CCDC63: variants seen among roughly 807,000 people sequenced by gnomAD.
CCDC63 encodes the protein coiled-coil domain containing 63.
Under a neutral mutation model 63.6 loss-of-function variants are expected in CCDC63, and 54 were observed. The ratio of observed to expected loss-of-function variants is 0.85; its 90% CI spans 0.68 to 1.07. The LOEUF is 1.07. Ranked by LOEUF, CCDC63 falls within the 50% of genes least tolerant of loss-of-function variation. The pLI is 0.00. For synonymous variants in CCDC63, 253 were observed against 266.1 expected (o/e 0.95, Z 0.48); for missense variants, 637 against 689.6 (o/e 0.92, Z 0.86).
At chr12:110,883,604 A>ATTTT (rs971151054) in intron 7 of CCDC63, among the ~76,000 whole-genome samples, 27 of 132,690 alleles carry the variant, frequency 2.0e-4, no homozygotes, top group Admixed American at 2.3e-4. Context: ...CTATATATAT[A>ATTTT]TTTTTTTGTT....
At chr12:110,904,819 A>G in intron 11 of CCDC63, 28 bp downstream of exon 11, 2 of 1,556,908 alleles carry the variant, frequency 1.3e-6, no homozygotes, top group Non-Finnish European at 1.7e-6. Context: ...CAATCTGCAC[A>G]GGTTGCTAGG....
chr12:110,865,504 A>T (rs1187707943), intron 4 of CCDC63, among the ~76,000 whole-genome samples: 1 of 151,654 alleles, frequency 6.6e-6, no homozygotes, highest in African/African-American at 2.4e-5. Flanking sequence ...AAGAAGAGAC[A>T]AAGAAAAAAG....
chr12:110,890,773 C>CTTTTTTTTTTTTTTT (rs769120162), intron 8 of CCDC63, among the ~76,000 whole-genome samples: 1 of 98,400 alleles, frequency 1.0e-5, no homozygotes. Flanking sequence ...TCCTCCTTTT[C>CTTTTTTTTTTTTTTT]TTTTTTTTTT....
intron 9 of CCDC63, among the ~76,000 whole-genome samples, chr12:110,893,695 G>A (rs1417918631): frequency 1.3e-5 from 2 of 152,180 alleles, no homozygotes; most frequent in Non-Finnish European, 2.9e-5. Context: ...CCAACATCAA[G>A]GAGCTGGGAT....
At position 110,899,135 on chromosome 12, in the gene CCDC63, G is replaced by A. The variant is rs2071453081; in HGVS notation, c.1342+10G>A. On this transcript the variant is annotated intron_variant, in intron 10 of 11. Coordinates refer to ENST00000308208, the MANE Select transcript of CCDC63 (RefSeq NM_152591.3). ...CTTCCGCAGTATTTTGGTGAGTCAA[G>A]CTGGGGCCCGTTGGAGTCTTAGGAA... 1.2e-6 allele frequency: 2 copies of A among 1,604,660 alleles called. No homozygotes were observed. The highest frequency in any genetic ancestry group is 2.7e-5 in the African/African-American group (2 of 74,584).
At chr12:110,859,926 G>A (rs1593644793) in intron 4 of CCDC63, among the ~76,000 whole-genome samples, 2 of 150,940 alleles carry the variant, frequency 1.3e-5, no homozygotes, top group South Asian at 4.2e-4. Flanking sequence ...CCCCACTCCC[G>A]CTTGTCCTTC....
chr12:110,872,051 G>A (rs2136681074), intron 4 of CCDC63, among the ~76,000 whole-genome samples: 1 of 152,264 alleles, frequency 6.6e-6, no homozygotes, highest in African/African-American at 2.4e-5. Flanking sequence ...ATATAAGGAA[G>A]AAATAAAAGT....
chr12:110,907,509 C>G lies in CCDC63; in HGVS notation c.*33C>G. ...GCATGGGGCCACCTTTGCAACATAA[C>G]CGAAAGAATAAATGTTTTGTTCTGT... On this transcript the variant is annotated 3_prime_UTR_variant, in exon 12 of 12. Transcript: ENST00000308208. The surrounding 1 kb of genome is among the most constrained non-coding windows in gnomAD (Gnocchi z 4.4). The G allele has an allele frequency of 6.2e-7, 1 of 1,613,062 alleles. No individual in the cohort carries two copies. Among genetic ancestry groups the G allele is most frequent in the Non-Finnish European group, 8.5e-7 (1 of 1,179,304 alleles).
At chr12:110,864,452 C>T (rs997718843) in intron 4 of CCDC63, among the ~76,000 whole-genome samples, 1 of 150,028 alleles carries the variant, frequency 6.7e-6, no homozygotes, top group Admixed American at 6.6e-5. Flanking sequence ...GACTGGGCGC[C>T]GTGACTCATG....
At chr12:110,899,217 G>C (rs2071454316) in intron 10 of CCDC63, 92 bp downstream of exon 10, 1 of 1,190,182 alleles carries the variant, frequency 8.4e-7, no homozygotes, top group Non-Finnish European at 1.2e-6. Context: ...GGAGTAGTGA[G>C]CTTTGTGGCA....
At chr12:110,868,945 A>C (rs2136675984) in intron 4 of CCDC63, among the ~76,000 whole-genome samples, 1 of 152,220 alleles carries the variant, frequency 6.6e-6, no homozygotes, top group Admixed American at 6.5e-5. Context: ...TTGCTGGACC[A>C]CTTTACTTTT....
chr12:110,857,786 T>C (rs1254994794), intron 3 of CCDC63, among the ~76,000 whole-genome samples: 1 of 152,190 alleles, frequency 6.6e-6, no homozygotes, highest in Non-Finnish European at 1.5e-5. Context: ...GAGGCTATTA[T>C]GCATCCCTGT....
upstream of CCDC63, chr12:110,845,940 T>C (rs2070631979): frequency 7.3e-6 from 1 of 137,334 alleles, no homozygotes; most frequent in South Asian, 2.4e-4. Flanking sequence ...CTAAATTTGT[T>C]ATATTTTTAG....
chr12:110,855,245 G>C (rs556885955), intron 3 of CCDC63, among the ~76,000 whole-genome samples: 1 of 152,154 alleles, frequency 6.6e-6, no homozygotes, highest in Non-Finnish European at 1.5e-5. Context: ...TAGAGATTTT[G>C]TTAGAACAAG....
chr12:110,888,371 C>A (rs923335412), intron 8 of CCDC63, among the ~76,000 whole-genome samples: 1 of 152,130 alleles, frequency 6.6e-6, no homozygotes, highest in Non-Finnish European at 1.5e-5. Flanking sequence ...GCTGAATTGG[C>A]CTTGATTTTC....
intron 10 of CCDC63, among the ~76,000 whole-genome samples, chr12:110,901,497 G>C (rs1463714606): frequency 6.6e-6 from 1 of 152,008 alleles, no homozygotes; most frequent in Non-Finnish European, 1.5e-5. Flanking sequence ...CAAAGTGCTG[G>C]GATTACAGGC....
At chr12:110,867,483 G>A (rs1418793688) in intron 4 of CCDC63, among the ~76,000 whole-genome samples, 3 of 100,560 alleles carry the variant, frequency 3.0e-5, no homozygotes, top group Non-Finnish European at 6.0e-5. Flanking sequence ...GCCGGGCAGA[G>A]GCGCCCCTCA....
chr12:110,864,564 G>C, intron 4 of CCDC63, among the ~76,000 whole-genome samples: 1 of 151,814 alleles, frequency 6.6e-6, no homozygotes, highest in East Asian at 1.9e-4. Flanking sequence ...CCCCATCTCT[G>C]CATATGGTGG....
chr12:110,877,658 G>C (rs2071147734), intron 5 of CCDC63, among the ~76,000 whole-genome samples: 1 of 150,832 alleles, frequency 6.6e-6, no homozygotes, highest in African/African-American at 2.4e-5. Flanking sequence ...CCTCTGCCCT[G>C]GTAACCACTG....
Sources: allele counts gnomAD v4.1 joint callset (sites outside exome capture counted in the v4.1 genomes callset), GRCh38; gene constraint gnomAD v4.1.1; non-coding constraint Gnocchi (gnomAD v3.1); transcripts MANE v1.5; gene names NCBI Gene and HGNC (gene_info 2026-07-23, HGNC 2026-07-21).